Variants in NXN observed in about 807,000 individuals in gnomAD.
The protein encoded by NXN is nucleoredoxin 1.
Under a neutral mutation model 48.6 loss-of-function variants are expected in NXN, and 16 were observed. The observed-to-expected ratio is 0.33, with a 90% CI of 0.22 to 0.50. The LOEUF is 0.50. Among genes scored for constraint, NXN ranks in the 20% least tolerant of loss-of-function variants. The pLI is 0.98. For synonymous variants in NXN, 281 were observed against 269.6 expected (o/e 1.04, Z -0.41); for missense variants, 492 against 605.5 (o/e 0.81, Z 1.97).
intron 1 of NXN, among the ~76,000 whole-genome samples, chr17:839,808 A>AAAAAAAAAAAAAAACAAAAAAAAAAC (rs1352197383): frequency 2.1e-5 from 3 of 143,690 alleles, no homozygotes; most frequent in African/African-American, 8.1e-5. Flanking sequence ...AAAAAAAAAA[A>AAAAAAAAAAAAAAACAAAAAAAAAAC]AAAAAAGGCC....
intron 1 of NXN, among the ~76,000 whole-genome samples, chr17:939,860 T>C (rs996016380): frequency 4.6e-5 from 7 of 152,210 alleles, no homozygotes; most frequent in South Asian, 4.1e-4. Flanking sequence ...TTTTAAAAAA[T>C]ATAATTTGCA....
At position 932,743 on chromosome 17, in the gene NXN, G is replaced by A. The variant is rs1200039264; in HGVS notation, c.360+46576C>T. On this transcript the variant is annotated intron_variant, in intron 1 of 7. Coordinates refer to ENST00000336868, the MANE Select transcript of NXN (RefSeq NM_022463.5). This position sits in a 1 kb window ranked among gnomAD's most constrained non-coding sequence, Gnocchi z 4.1. Reference sequence around the variant, plus strand: ...CTGTGTGGTCCCCGGACAAGCAGCTGAGTGGGTGGGGAGTGCCTTGTTGTG... The same window carrying A: ...CTGTGTGGTCCCCGGACAAGCAGCTAAGTGGGTGGGGAGTGCCTTGTTGTG... Among the ~76,000 whole-genome samples the A allele has an allele frequency of 2.0e-5, 3 of 152,196 alleles. No homozygotes were observed. The highest frequency in any genetic ancestry group is 1.5e-5 in the Non-Finnish European group (1 of 68,032).
chr17:872,564 G>T (rs1004727789), intron 1 of NXN, among the ~76,000 whole-genome samples: 11 of 147,136 alleles, frequency 7.5e-5, no homozygotes, highest in East Asian at 2.1e-4. Flanking sequence ...CCTGATATTT[G>T]ATTAAACATG....
chr17:825,976 G>A lies in NXN; in HGVS notation c.463C>T (p.Arg155Ter). The change falls in exon 2 of 8, where the codon CGA becomes TGA. Residue 155 changes from arginine (R) to a stop codon, truncating the protein, a stop_gained. Transcript: ENST00000336868. LOFTEE classifies it high-confidence loss of function. This position sits in a 1 kb window ranked among gnomAD's most constrained non-coding sequence, Gnocchi z 4.1. ...GAGGTTTTACCTTCTGGGTCATCTC[G>A]GATCACCAGCAGCCCGTTCCTGCAC... The part of the protein sequence containing the change: ...VVCRNGLLVI[R>*]DDPEGLEFPW... 1 of 1,610,952 alleles carries A rather than the reference G, an allele frequency of 6.2e-7. No homozygotes were observed. Among genetic ancestry groups the A allele is most frequent in the Non-Finnish European group, 8.5e-7 (1 of 1,177,778 alleles).
chr17:975,071 C>T (rs572436774), intron 1 of NXN, among the ~76,000 whole-genome samples: 1 of 152,174 alleles, frequency 6.6e-6, no homozygotes, highest in East Asian at 1.9e-4. Flanking sequence ...GTGATCCCCC[C>T]ACCTTGGCCT....
At chr17:846,126 T>C (rs972320581) in intron 1 of NXN, among the ~76,000 whole-genome samples, 30 of 151,904 alleles carry the variant, frequency 2.0e-4, no homozygotes, top group African/African-American at 7.3e-4. Context: ...TTAGGAATAA[T>C]GCTCACAATT....
At chr17:864,080 C>A in intron 1 of NXN, 1 of 1,435,924 alleles carries the variant, frequency 7.0e-7, no homozygotes, top group East Asian at 2.8e-5. Context: ...GGCACAGTTA[C>A]CGTTGCTCGG....
chr17:814,497 C>T (rs561129798), intron 5 of NXN, among the ~76,000 whole-genome samples: 2 of 152,148 alleles, frequency 1.3e-5, no homozygotes, highest in Admixed American at 6.5e-5. Flanking sequence ...AGAGAGGGGG[C>T]GCGGCAGCAG....
intron 1 of NXN, among the ~76,000 whole-genome samples, chr17:886,287 G>A (rs1014759822): frequency 1.3e-5 from 2 of 151,970 alleles, no homozygotes; most frequent in African/African-American, 4.8e-5. Context: ...ACATTGCTTT[G>A]GCTTTAAAAA....
chr17:845,938 C>G (rs972978952), intron 1 of NXN, among the ~76,000 whole-genome samples: 1 of 152,118 alleles, frequency 6.6e-6, no homozygotes, highest in Admixed American at 6.5e-5. Context: ...TGGCTCATGC[C>G]TGTAATCCCA....
At chr17:850,191 G>A (rs1428944450) in intron 1 of NXN, among the ~76,000 whole-genome samples, 5 of 152,094 alleles carry the variant, frequency 3.3e-5, no homozygotes, top group East Asian at 1.9e-4. Flanking sequence ...ATCACCTGAC[G>A]GACGCTCTCA....
intron 1 of NXN, chr17:896,823 C>T (rs1395100678): frequency 1.7e-5 from 20 of 1,157,834 alleles, no homozygotes; most frequent in Admixed American, 1.1e-4. Context: ...CTGCAGATCT[C>T]GAAGATGCTA....
At position 825,186 on chromosome 17, in the gene NXN, C is replaced by T. The variant is rs1376540740; in HGVS notation, c.478+775G>A. The stretch of plus-strand genomic sequence containing the variant: ...TGAACCGGGATCATGCCACAGCACT[C>T]GGCCTGGGCGACAGAGGGAGATAGT... On this transcript the variant is annotated intron_variant, in intron 2 of 7. Coordinates refer to ENST00000336868, the MANE Select transcript of NXN (RefSeq NM_022463.5). This position sits in a 1 kb window ranked among gnomAD's most constrained non-coding sequence, Gnocchi z 4.1. 1.4e-5 allele frequency among the ~76,000 whole-genome samples: 2 copies of T among 146,232 alleles called. No individual in the cohort carries two copies. The highest frequency in any genetic ancestry group is 6.9e-5 in the Admixed American group (1 of 14,466).
chr17:955,421 C>T (rs1418814590), intron 1 of NXN, among the ~76,000 whole-genome samples: 2 of 151,224 alleles, frequency 1.3e-5, no homozygotes, highest in Non-Finnish European at 3.0e-5. Flanking sequence ...CCACCCGCCT[C>T]GGCCTCCCGA....
intron 1 of NXN, among the ~76,000 whole-genome samples, chr17:867,895 CAA>C (rs201632429): frequency 1.2e-4 from 15 of 121,802 alleles, no homozygotes; most frequent in South Asian, 2.6e-4. Context: ...GACTCCAACT[CAA>C]AAAAAAAAAA....
rs528636549 is a variant in NXN, at chr17:852,446, C to T, written c.361-26368G>A. ...CCTGTTTTCTCTCTCCTTTCTACCT[C>T]CAGAAAAAGTCAGGATGGATTATGT... On this transcript the variant is annotated intron_variant, in intron 1 of 7. Transcript: ENST00000336868. Among the ~76,000 whole-genome samples the T allele has an allele frequency of 1.6e-4, 24 of 152,324 alleles. 1 individual carries two copies. Among genetic ancestry groups the T allele is most frequent in the Admixed American group, 7.2e-4 (11 of 15,292 alleles).
At chr17:939,931 C>T (rs901898370) in intron 1 of NXN, among the ~76,000 whole-genome samples, 4 of 145,016 alleles carry the variant, frequency 2.8e-5, no homozygotes, top group African/African-American at 1.0e-4. Flanking sequence ...TCAACTCCCG[C>T]TTCCAGTATT....
chr17:804,028 C>G, intron 6 of NXN: 1 of 574,408 alleles, frequency 1.7e-6, no homozygotes, highest in Non-Finnish European at 3.1e-6. Context: ...CTGCACCGGG[C>G]TCCCCAGGAG....
intron 7 of NXN, among the ~76,000 whole-genome samples, chr17:801,973 C>T (rs1329851082): frequency 6.6e-6 from 1 of 152,200 alleles, no homozygotes; most frequent in African/African-American, 2.4e-5. Flanking sequence ...GCTTACGCTG[C>T]CTCACTACTT....
Sources: allele counts gnomAD v4.1 joint callset (sites outside exome capture counted in the v4.1 genomes callset), GRCh38; gene constraint gnomAD v4.1.1; non-coding constraint Gnocchi (gnomAD v3.1); transcripts MANE v1.5; gene names NCBI Gene and HGNC (gene_info 2026-07-23, HGNC 2026-07-21).